The following ABTB2 variants were observed in gnomAD, a reference collection of about 807,000 sequenced individuals.
ABTB2 encodes ankyrin repeat and BTB/POZ domain-containing protein 2.
ABTB2 carries 56 observed loss-of-function variants against 104.1 expected under a neutral mutation model. The observed-to-expected ratio is 0.54, with a 90% CI of 0.43 to 0.67. ABTB2 has a LOEUF of 0.67. Ranked by LOEUF, ABTB2 falls within the 30% of genes least tolerant of loss-of-function variation. The probability of loss-of-function intolerance (pLI) is 0.00; values close to 1 mark genes in which losing one functional copy is unlikely to be tolerated. For missense variants in ABTB2, 1,279 were observed against 1,407.7 expected (o/e 0.91, Z 1.46); for synonymous variants, 606 against 608.2 (o/e 1.00, Z 0.05).
chr11:34,323,548 G>A (rs1019985333), intron 1 of ABTB2, among the ~76,000 whole-genome samples: 12 of 151,992 alleles, frequency 7.9e-5, no homozygotes, highest in South Asian at 2.1e-4. Context: ...CTATCGGCTC[G>A]TTCTCTGTTC....
chr11:34,152,635 A>T, intron 16 of ABTB2, 51 bp from the exon 17 acceptor site: 1 of 1,524,084 alleles, frequency 6.6e-7, no homozygotes, highest in Non-Finnish European at 8.9e-7. Flanking sequence ...GTACAGCCCC[A>T]CTCACCCTCA....
rs186239381 is a variant in ABTB2 at position 34,192,885 on chromosome 11, G to C, written c.1244+4440C>G. ...CACCTCTGACTGCATGTCTCCCTCT[G>C]TCTCCTCTACTTGATGACGCTGCCT... On this transcript the variant is annotated intron_variant, in intron 3 of 16. Transcript: ENST00000435224. Among the ~76,000 whole-genome samples the C allele has an allele frequency of 6.0e-3, 915 of 152,282 alleles. 6 individuals carry two copies. The highest frequency in any genetic ancestry group is 0.021 in the African/African-American group (863 of 41,554).
chr11:34,204,663 C>T lies in ABTB2; in HGVS notation c.911G>A (p.Ser304Asn), dbSNP rs374146015. ...NGVLSLPAYFSPYNGGSLGHD... is the reference protein window; with the variant it reads ...NGVLSLPAYFNPYNGGSLGHD... ...GCCCAGGGACCCGCCGTTGTAGGGG[C>T]TGAAGTATGCGGGGAGGGAGAGGAC... Residue 304 changes from serine to asparagine, a missense_variant, in exon 2 of 17, where the codon AGC becomes AAC. By Grantham distance (46) the Ser-to-Asn change is conservative (BLOSUM62 1). Coordinates refer to ENST00000435224, the MANE Select transcript of ABTB2 (RefSeq NM_145804.3). The T allele has an allele frequency of 5.0e-6, 8 of 1,613,732 alleles. No homozygotes were observed. Among genetic ancestry groups the T allele is most frequent in the Non-Finnish European group, 5.9e-6 (7 of 1,179,914 alleles).
intron 1 of ABTB2, among the ~76,000 whole-genome samples, chr11:34,247,413 A>G (rs1006034811): frequency 3.3e-5 from 5 of 152,254 alleles, no homozygotes; most frequent in African/African-American, 1.2e-4. Flanking sequence ...ACTTTCAGTA[A>G]TCAATAAGTT....
rs539367972 is a variant in ABTB2, at chr11:34,162,986, C to T, written c.1989-181G>A. The stretch of plus-strand genomic sequence containing the variant: ...CCCAGGGTCACCAATCCCCATATAC[C>T]TCTGAGAGGCAGGGCAGGGTGCAGG... On this transcript the variant is annotated intron_variant, in intron 9 of 16. Transcript: ENST00000435224. Among the ~76,000 whole-genome samples the T allele has an allele frequency of 5.3e-5, 8 of 152,290 alleles. No individual in the cohort carries two copies. The South Asian group carries it at 1.7e-3, about 32-fold the overall frequency.
chr11:34,249,328 A>G (rs1854025774), intron 1 of ABTB2, among the ~76,000 whole-genome samples: 1 of 152,244 alleles, frequency 6.6e-6, no homozygotes, highest in Non-Finnish European at 1.5e-5. Flanking sequence ...AGGACGATAT[A>G]TGTATTAATG....
chr11:34,223,250 C>T (rs1224197410), intron 1 of ABTB2, among the ~76,000 whole-genome samples: 1 of 152,100 alleles, frequency 6.6e-6, no homozygotes, highest in Non-Finnish European at 1.5e-5. Context: ...CTCAGCCCTC[C>T]CGACTGGAGC....
chr11:34,299,469 T>G (rs990952068), intron 1 of ABTB2, among the ~76,000 whole-genome samples: 2 of 152,210 alleles, frequency 1.3e-5, no homozygotes, highest in African/African-American at 4.8e-5. Context: ...GCCACGGTAG[T>G]ATACTCCTCC....
At chr11:34,313,149 C>T (rs746129012) in intron 1 of ABTB2, among the ~76,000 whole-genome samples, 2 of 152,148 alleles carry the variant, frequency 1.3e-5, no homozygotes, top group African/African-American at 2.4e-5. Context: ...TATACAGGAG[C>T]CCATGTGCAT....
intron 1 of ABTB2, among the ~76,000 whole-genome samples, chr11:34,253,837 G>A (rs774651912): frequency 2.6e-5 from 4 of 152,176 alleles, no homozygotes; most frequent in Non-Finnish European, 4.4e-5. Flanking sequence ...TCCCAAGGAA[G>A]GGATCTTTCT....
chr11:34,315,111 G>A (rs1328126400), intron 1 of ABTB2, among the ~76,000 whole-genome samples: 3 of 152,228 alleles, frequency 2.0e-5, no homozygotes, highest in Non-Finnish European at 4.4e-5. Flanking sequence ...GCACTCGCGC[G>A]AGCCTGCCTT....
intron 3 of ABTB2, among the ~76,000 whole-genome samples, chr11:34,183,012 A>G (rs2133025838): frequency 6.6e-6 from 1 of 152,298 alleles, no homozygotes; most frequent in South Asian, 2.1e-4. Flanking sequence ...ACAGCCACTC[A>G]GATTCTTCAC....
At chr11:34,315,138 C>T (rs1376067716) in intron 1 of ABTB2, among the ~76,000 whole-genome samples, 1 of 152,244 alleles carries the variant, frequency 6.6e-6, no homozygotes, top group Admixed American at 6.5e-5. Context: ...AGTGCATTTG[C>T]ATGAGGCCAC....
At chr11:34,312,257 G>T (rs1854865583) in intron 1 of ABTB2, among the ~76,000 whole-genome samples, 1 of 152,162 alleles carries the variant, frequency 6.6e-6, no homozygotes, top group Admixed American at 6.5e-5. Flanking sequence ...CCCCTAAATG[G>T]TCCCTTTTTA....
Position 34,154,278 on chromosome 11 carries a change from T to G in ABTB2, c.2867A>C (p.Tyr956Ser). The change falls in exon 16 of 17, where the codon TAC (tyrosine) becomes TCC (serine). Residue 956 changes from tyrosine (Y) to serine (S), a missense_variant. Tyr to Ser is a moderately radical substitution (Grantham distance 144). Coordinates refer to ENST00000435224, the MANE Select transcript of ABTB2 (RefSeq NM_145804.3). This position sits in a 1 kb window ranked among gnomAD's most constrained non-coding sequence, Gnocchi z 4.9. The part of the protein sequence containing the change: ...TLSMESAVNT[Y>S]KYAKIHNAPE... Reference sequence around the variant, plus strand: ...CTTGGCCCTCACCTTGGCATATTTGTAGGTGTTCACGGCACTCTCCATGCT... The same window carrying G: ...CTTGGCCCTCACCTTGGCATATTTGGAGGTGTTCACGGCACTCTCCATGCT... 1 of 1,613,742 alleles carries G rather than the reference T, an allele frequency of 6.2e-7. No homozygotes were observed. The highest frequency in any genetic ancestry group is 8.5e-7 in the Non-Finnish European group (1 of 1,179,734).
At chr11:34,280,915 T>C (rs1854441660) in intron 1 of ABTB2, among the ~76,000 whole-genome samples, 1 of 152,104 alleles carries the variant, frequency 6.6e-6, no homozygotes, top group South Asian at 2.1e-4. Context: ...GATACACATA[T>C]AACTACCCGC....
intron 1 of ABTB2, among the ~76,000 whole-genome samples, chr11:34,240,662 G>C (rs982829743): frequency 1.3e-5 from 2 of 151,748 alleles, no homozygotes; most frequent in Non-Finnish European, 2.9e-5. Flanking sequence ...GTGTGATCTC[G>C]GCTCACTGCA....
intron 4 of ABTB2, among the ~76,000 whole-genome samples, chr11:34,172,430 G>GTAT (rs1441046181): frequency 2.5e-5 from 2 of 80,466 alleles, no homozygotes; most frequent in African/African-American, 9.8e-5. Flanking sequence ...GTGTGTGTGT[G>GTAT]TGTGTATATA....
At chr11:34,160,786 T>C (rs1025742582) in intron 11 of ABTB2, 117 bp downstream of exon 11, 3 of 1,113,526 alleles carry the variant, frequency 2.7e-6, no homozygotes, top group East Asian at 2.5e-5. Flanking sequence ...TGAGTGTGTG[T>C]GCGTTGGGTG....
Sources: allele counts gnomAD v4.1 joint callset (sites outside exome capture counted in the v4.1 genomes callset), GRCh38; gene constraint gnomAD v4.1.1; non-coding constraint Gnocchi (gnomAD v3.1); transcripts MANE v1.5; gene names NCBI Gene and HGNC (gene_info 2026-07-23, HGNC 2026-07-21).